SYNJ2: variants seen among roughly 807,000 people sequenced by gnomAD.
The protein encoded by SYNJ2 is synaptojanin 2.
In SYNJ2, 116 loss-of-function variants were observed where a neutral mutation model predicts 141.3. That is an observed-to-expected ratio of 0.82 (90% confidence interval 0.71 to 0.96). The LOEUF is 0.96. Ranked by LOEUF, SYNJ2 falls within the 40% of genes least tolerant of loss-of-function variation. The probability of loss-of-function intolerance (pLI) is 0.00; values close to 1 mark genes in which losing one functional copy is unlikely to be tolerated. For missense variants in SYNJ2, 1,873 were observed against 1,934.8 expected (o/e 0.97, Z 0.60); for synonymous variants, 745 against 777.7 (o/e 0.96, Z 0.70).
chr6:158,048,593 T>A (rs1252417874), intron 5 of SYNJ2, among the ~76,000 whole-genome samples: 1 of 152,140 alleles, frequency 6.6e-6, no homozygotes, highest in Admixed American at 6.5e-5. Flanking sequence ...CCATACACAT[T>A]AAGTCACAAT....
At chr6:158,060,792 G>T (rs547323191) in intron 7 of SYNJ2, among the ~76,000 whole-genome samples, 103 of 152,342 alleles carry the variant, frequency 6.8e-4, no homozygotes, top group Non-Finnish European at 1.2e-3. Context: ...CCCATCAGTG[G>T]GTGAAGTGCC....
Position 158,043,413 on chromosome 6 carries a change from A to C in SYNJ2, c.795+14A>C. 1 of 1,606,270 alleles carries C rather than the reference A, an allele frequency of 6.2e-7. No individual in the cohort carries two copies. Among genetic ancestry groups the C allele is most frequent in the Non-Finnish European group, 8.5e-7 (1 of 1,173,080 alleles). On this transcript the variant is annotated intron_variant, in intron 5 of 26. Coordinates refer to ENST00000355585, the MANE Select transcript of SYNJ2 (RefSeq NM_003898.4). The surrounding 1 kb of genome is among the most constrained non-coding windows in gnomAD (Gnocchi z 4.0). ...CCAGGGCTTCAGGTAGGTCATGAAA[A>C]AACTTAAATGTCCCCTTGTGATGTT...
chr6:157,986,491 G>A (rs148041952), intron 1 of SYNJ2, among the ~76,000 whole-genome samples: 2,483 of 152,172 alleles, frequency 0.016, 74 homozygotes, highest in African/African-American at 0.055. Context: ...GCACCACCAC[G>A]CCCGGCTAAT....
chr6:158,045,816 G>C (rs1780208836), intron 5 of SYNJ2, among the ~76,000 whole-genome samples: 1 of 152,188 alleles, frequency 6.6e-6, no homozygotes, highest in Non-Finnish European at 1.5e-5. Flanking sequence ...GGATGACTGT[G>C]CCTTGGTCTG....
intron 1 of SYNJ2, among the ~76,000 whole-genome samples, chr6:157,990,690 C>T (rs915263494): frequency 6.6e-6 from 1 of 152,218 alleles, no homozygotes; most frequent in Non-Finnish European, 1.5e-5. Context: ...AGCACGGGCT[C>T]CCGTGCAGTT....
Position 158,043,429 on chromosome 6 carries a change from T to C in SYNJ2, c.795+30T>C. 6.5e-7 allele frequency: 1 copy of C among 1,534,674 alleles called. No homozygotes were observed. Among genetic ancestry groups the C allele is most frequent in the Non-Finnish European group, 9.0e-7 (1 of 1,108,804 alleles). On this transcript the variant is annotated intron_variant, in intron 5 of 26. Coordinates refer to ENST00000355585, the MANE Select transcript of SYNJ2 (RefSeq NM_003898.4). The surrounding 1 kb of genome is among the most constrained non-coding windows in gnomAD (Gnocchi z 4.0). Reference sequence around the variant, plus strand: ...GTCATGAAAAAACTTAAATGTCCCCTTGTGATGTTGTCCGCCCTGCCCTTC... The same window carrying C: ...GTCATGAAAAAACTTAAATGTCCCCCTGTGATGTTGTCCGCCCTGCCCTTC...
At chr6:158,044,481 T>C (rs1780129738) in intron 5 of SYNJ2, among the ~76,000 whole-genome samples, 3 of 152,136 alleles carry the variant, frequency 2.0e-5, no homozygotes, top group African/African-American at 7.2e-5. Context: ...ACATTCAGTC[T>C]TTCCACTAGA....
intron 18 of SYNJ2, among the ~76,000 whole-genome samples, chr6:158,080,813 C>A (rs1353853798): frequency 6.6e-6 from 1 of 152,202 alleles, no homozygotes; most frequent in African/African-American, 2.4e-5. Context: ...TAAGGTGCCA[C>A]ACTTTATTTT....
At chr6:158,018,361 CAA>C (rs1008282807) in intron 2 of SYNJ2, among the ~76,000 whole-genome samples, 2 of 152,178 alleles carry the variant, frequency 1.3e-5, no homozygotes, top group African/African-American at 2.4e-5. Context: ...GGGGCCGAGA[CAA>C]GAGCCCAGTC....
chr6:157,996,113 G>C (rs536639989), intron 1 of SYNJ2, among the ~76,000 whole-genome samples: 1 of 152,102 alleles, frequency 6.6e-6, no homozygotes, highest in Non-Finnish European at 1.5e-5. Flanking sequence ...TTACAGTATC[G>C]CTGGACTCCC....
chr6:157,998,124 G>A (rs570498315), intron 1 of SYNJ2, among the ~76,000 whole-genome samples: 2 of 152,360 alleles, frequency 1.3e-5, no homozygotes, highest in East Asian at 3.9e-4. Context: ...GATGCTGCCT[G>A]CTGCTCTGCT....
Position 158,086,874 on chromosome 6 carries a change from G to T in SYNJ2, c.3228G>T (p.Glu1076Asp), listed in dbSNP as rs558954054. 4.3e-6 allele frequency: 7 copies of T among 1,611,490 alleles called. No individual in the cohort carries two copies. Among genetic ancestry groups the T allele is most frequent in the African/African-American group, 2.7e-5 (2 of 75,058 alleles). ...CTCCAGATGACGCGGACCTGGTGGA[G>T]CTCAAGCGGGAGCTGGAAGCCGTCG... ...PTYKDDADLVELKRELEAVGE... is the reference protein window; with the variant it reads ...PTYKDDADLVDLKRELEAVGE... The change falls in exon 23 of 27, where the codon GAG (glutamate) becomes GAT (aspartate). Residue 1076 changes from glutamate to aspartate, a missense_variant. Glu to Asp is a conservative substitution (Grantham distance 45). Coordinates refer to ENST00000355585, the MANE Select transcript of SYNJ2 (RefSeq NM_003898.4).
intron 4 of SYNJ2, among the ~76,000 whole-genome samples, chr6:158,035,660 T>G (rs1305388250): frequency 2.0e-5 from 3 of 152,200 alleles, no homozygotes; most frequent in African/African-American, 7.2e-5. Flanking sequence ...TCTTGCCTGA[T>G]TGCCCTGGTC....
rs1275631519 is a variant in SYNJ2, at chr6:158,097,528, A to G, written c.*1164A>G. Reference sequence around the variant, plus strand: ...GATACCGTGTTTTCGCTATTTAATAAGAAGTTCAGTAGTGAAATCTTACTG... The same window carrying G: ...GATACCGTGTTTTCGCTATTTAATAGGAAGTTCAGTAGTGAAATCTTACTG... On this transcript the variant is annotated 3_prime_UTR_variant, in exon 27 of 27. Transcript: ENST00000355585. 6.6e-6 allele frequency: 1 copy of G among 152,026 alleles called. No individual in the cohort carries two copies. The highest frequency in any genetic ancestry group is 2.4e-5 in the African/African-American group (1 of 41,252). The allele number at this position is 152,026 out of a possible 1,614,324, so 9.4% of individuals were successfully genotyped here. A position where few individuals can be genotyped will look rare whatever the true frequency, so the allele number is the denominator to read the frequency against.
At position 158,083,505 on chromosome 6, in the gene SYNJ2, A is replaced by G; in HGVS notation, c.2942A>G (p.Lys981Arg). ...GGTTTGCGAGAGGAGATCATTCGGA[A>G]ACGAGACAGCATGGCCCCCGTGTCT... is the stretch of plus-strand genomic sequence containing the variant. The part of the protein sequence containing the change: ...LKGLREEIIR[K>R]RDSMAPVSPT... Residue 981 changes from lysine to arginine, a missense_variant, in exon 21 of 27, where the codon AAA becomes AGA. Coordinates refer to ENST00000355585, the MANE Select transcript of SYNJ2 (RefSeq NM_003898.4). The G allele has an allele frequency of 1.2e-6, 2 of 1,614,166 alleles. No homozygotes were observed. The highest frequency in any genetic ancestry group is 2.2e-5 in the South Asian group (2 of 91,084).
At position 158,063,853 on chromosome 6, in the gene SYNJ2, A is replaced by G. The variant is rs776406102; in HGVS notation, c.1190A>G (p.Gln397Arg). Residue 397 changes from glutamine to arginine, a missense_variant, in exon 9 of 27, where the codon CAG (glutamine) becomes CGG (arginine). Gln to Arg is a conservative substitution (Grantham distance 43). Coordinates refer to ENST00000355585, the MANE Select transcript of SYNJ2 (RefSeq NM_003898.4). Reference protein sequence around the residue: ...LDCLDRTNTVQSFIALEVLHL... With the variant: ...LDCLDRTNTVRSFIALEVLHL... ...TGCCTGGACCGAACCAACACTGTGC[A>G]GAGCTTCATCGCGCTCGAGGTGCGT... The G allele has an allele frequency of 1.2e-6, 2 of 1,613,626 alleles. No homozygotes were observed. Among genetic ancestry groups the G allele is most frequent in the South Asian group, 1.1e-5 (1 of 91,068 alleles).
Position 158,069,582 on chromosome 6 carries a change from C to T in SYNJ2, c.1849C>T (p.Arg617Cys), listed in dbSNP as rs772360288. 8 of 1,613,892 alleles carry T rather than the reference C, an allele frequency of 5.0e-6. No homozygotes were observed. The highest frequency in any genetic ancestry group is 3.3e-5 in the Admixed American group (2 of 59,994). The part of the protein sequence containing the change: ...WGEQLQKAIS[R>C]SHRYILLTSA... ...TGAACAGCTTCAGAAAGCCATCTCA[C>T]GCTCTCATAGATACATTCTGTTGAC... is the stretch of plus-strand genomic sequence containing the variant. Residue 617 changes from arginine to cysteine, a missense_variant, in exon 14 of 27, where the codon CGC (arginine) becomes TGC (cysteine). Transcript: ENST00000355585.
At chr6:158,065,050 T>G (rs1441714456) in intron 11 of SYNJ2, 59 bp downstream of exon 11, 11 of 1,466,588 alleles carry the variant, frequency 7.5e-6, no homozygotes, top group African/African-American at 2.8e-5. Context: ...AGCCCCACTT[T>G]CCCACCGCCT....
At chr6:157,983,713 A>G (rs2128312159) in intron 1 of SYNJ2, among the ~76,000 whole-genome samples, 1 of 152,360 alleles carries the variant, frequency 6.6e-6, no homozygotes, top group African/African-American at 2.4e-5. Flanking sequence ...TGATTACAGT[A>G]TACCAGATTT....
Sources: allele counts gnomAD v4.1 joint callset (sites outside exome capture counted in the v4.1 genomes callset), GRCh38; gene constraint gnomAD v4.1.1; non-coding constraint Gnocchi (gnomAD v3.1); transcripts MANE v1.5; gene names NCBI Gene and HGNC (gene_info 2026-07-23, HGNC 2026-07-21).